The following COX18 variants were observed in gnomAD, a reference collection of about 807,000 sequenced individuals.
The protein encoded by COX18 is cytochrome c oxidase assembly factor COX18.
COX18 carries 45 observed loss-of-function variants against 38.0 expected under a neutral mutation model. The observed-to-expected ratio is 1.18, with a 90% CI of 0.93 to 1.52. COX18 has a LOEUF of 1.52. Among genes scored for constraint, COX18 ranks in the 40% most tolerant of loss-of-function variants. The pLI is 0.00. For synonymous variants in COX18, 177 were observed against 169.8 expected (o/e 1.04, Z -0.33); for missense variants, 462 against 423.8 (o/e 1.09, Z -0.79).
intron 4 of COX18, among the ~76,000 whole-genome samples, chr4:73,064,115 T>C (rs1215138942): frequency 6.6e-6 from 1 of 151,994 alleles, no homozygotes; most frequent in Non-Finnish European, 1.5e-5. Context: ...TGAAACCCTG[T>C]CTCTACTAAA....
At chr4:73,067,864 A>AAAAAATAAATATAT in intron 2 of COX18, among the ~76,000 whole-genome samples, 165 bp downstream of exon 2, 2 of 20,010 alleles carry the variant, frequency 1.0e-4, no homozygotes, top group Non-Finnish European at 3.1e-4. Context: ...AAAAAAAAAA[A>AAAAAATAAATATAT]ATATATATAT....
intron 2 of COX18, among the ~76,000 whole-genome samples, chr4:73,067,568 A>T (rs2110060922): frequency 6.6e-6 from 1 of 152,084 alleles, no homozygotes; most frequent in East Asian, 1.9e-4. Flanking sequence ...TAGGCTGGGC[A>T]CGGTGGCTCA....
At chr4:73,058,440 A>T (rs906641963) in intron 5 of COX18, among the ~76,000 whole-genome samples, 153 bp from the exon 6 acceptor site, 1 of 152,202 alleles carries the variant, frequency 6.6e-6, no homozygotes, top group African/African-American at 2.4e-5. Context: ...GATAGATTTA[A>T]TAGACAGGGA....
intron 3 of COX18, 128 bp from the exon 4 acceptor site, chr4:73,065,030 A>T: frequency 9.7e-7 from 1 of 1,033,840 alleles, no homozygotes; most frequent in Non-Finnish European, 1.4e-6. Flanking sequence ...CACTGGATTT[A>T]TTCCAGTTTT....
chr4:73,055,533 G>C lies in COX18; in HGVS notation c.*2581C>G, dbSNP rs906411587. 1.3e-5 allele frequency: 2 copies of C among 152,162 alleles called. No individual in the cohort carries two copies. The highest frequency in any genetic ancestry group is 2.4e-5 in the African/African-American group (1 of 41,446). 9.4% of individuals were successfully genotyped at this position (152,162 alleles called of 1,614,324 possible). ...TTCTCCTAAGCCTTCCTGAGCTTAGGAACATCAGAAAGCACTCCAGCAGGG... is the reference window on the plus strand; with the variant it reads ...TTCTCCTAAGCCTTCCTGAGCTTAGCAACATCAGAAAGCACTCCAGCAGGG... On this transcript the variant is annotated 3_prime_UTR_variant, in exon 6 of 6. Transcript: ENST00000507544.
chr4:73,068,196 T>C, intron 1 of COX18, 67 bp from the exon 2 acceptor site: 6 of 939,612 alleles, frequency 6.4e-6, no homozygotes, highest in Non-Finnish European at 9.7e-6. Flanking sequence ...TCATAATCTT[T>C]CACATTATTC....
Position 73,055,036 on chromosome 4 carries a change from G to A in COX18, c.*3078C>T, listed in dbSNP as rs1719835998. 6.6e-6 allele frequency: 1 copy of A among 152,240 alleles called. No individual in the cohort carries two copies. The highest frequency in any genetic ancestry group is 2.1e-4 in the South Asian group (1 of 4,834). The allele number at this position is 152,240 out of a possible 1,614,324, so 9.4% of individuals were successfully genotyped here. ...AAAGTGACAAACACAATGGGAAAAG[G>A]AGACTGATTTCCCTCATGCCATTAT... On this transcript the variant is annotated 3_prime_UTR_variant, in exon 6 of 6. Transcript: ENST00000507544.
chr4:73,060,297 T>C (rs1466484836), intron 5 of COX18, among the ~76,000 whole-genome samples: 1 of 152,216 alleles, frequency 6.6e-6, no homozygotes, highest in African/African-American at 2.4e-5. Flanking sequence ...ACTTAACTGC[T>C]CGTATTTTAT....
In COX18 at chr4:73,053,850, G is replaced by A. The variant is rs1392603823; in HGVS notation, c.*4264C>T. The A allele has an allele frequency of 6.6e-6, 1 of 152,122 alleles. No individual in the cohort carries two copies. Among genetic ancestry groups the A allele is most frequent in the Non-Finnish European group, 1.5e-5 (1 of 68,042 alleles). The allele number at this position is 152,122 out of a possible 1,614,324, so 9.4% of individuals were successfully genotyped here. A position where few individuals can be genotyped will look rare whatever the true frequency, so the allele number is the denominator to read the frequency against. On this transcript the variant is annotated 3_prime_UTR_variant, in exon 6 of 6. Transcript: ENST00000507544. ...GATTTGTTCAGTTTTCTCTTCTAAC[G>A]GTCCCAGGGAAAAGTAATTTGGGAT...
At chr4:73,063,584 A>C (rs549801583) in intron 4 of COX18, among the ~76,000 whole-genome samples, 2 of 152,332 alleles carry the variant, frequency 1.3e-5, no homozygotes, top group Non-Finnish European at 2.9e-5. Context: ...TCTTTAGATG[A>C]CATAGAGGAA....
At position 73,052,677 on chromosome 4, in the gene COX18, C is replaced by A. The variant is rs575514515; in HGVS notation, c.*5437G>T. The A allele has an allele frequency of 9.9e-5, 15 of 152,186 alleles. 1 individual carries two copies. Among genetic ancestry groups the A allele is most frequent in the African/African-American group, 3.1e-4 (13 of 41,536 alleles). The allele number at this position is 152,186 out of a possible 1,614,324, so 9.4% of individuals were successfully genotyped here. ...TATCTGGGTTCTGCTTGAACCAGCT[C>A]GTAAGGCACAGTGTTTATAATGATA... On this transcript the variant is annotated 3_prime_UTR_variant, in exon 6 of 6. Coordinates refer to ENST00000507544, the MANE Select transcript of COX18 (RefSeq NM_001297732.2).
chr4:73,062,006 ACTGGCC>A, intron 4 of COX18, 86 bp from the exon 5 acceptor site: 1 of 616,768 alleles, frequency 1.6e-6, no homozygotes, highest in South Asian at 2.0e-5. Context: ...CTGATTTTTC[ACTGGCC>A]TCCATCTACA....
At chr4:73,065,964 T>G (rs535840156) in intron 2 of COX18, among the ~76,000 whole-genome samples, 1 of 152,324 alleles carries the variant, frequency 6.6e-6, no homozygotes, top group African/African-American at 2.4e-5. Context: ...ATTTTACTTT[T>G]TAGAATACAG....
At chr4:73,067,870 T>A (rs374573126) in intron 2 of COX18, among the ~76,000 whole-genome samples, 159 bp downstream of exon 2, 29 of 46,326 alleles carry the variant, frequency 6.3e-4, no homozygotes, top group African/African-American at 1.2e-3. Context: ...AAAAAATATA[T>A]ATATATATAT....
At chr4:73,065,480 C>A (rs1720405112) in intron 2 of COX18, 67 bp from the exon 3 acceptor site, 3 of 1,386,718 alleles carry the variant, frequency 2.2e-6, no homozygotes, top group Admixed American at 1.9e-5. Context: ...GCTTTATTTC[C>A]ATAGCACAAA....
Position 73,054,267 on chromosome 4 carries a change from T to C in COX18, c.*3847A>G, listed in dbSNP as rs569014823. On this transcript the variant is annotated 3_prime_UTR_variant, in exon 6 of 6. Coordinates refer to ENST00000507544, the MANE Select transcript of COX18 (RefSeq NM_001297732.2). ...TCCCTGTTCTGTAGCCCTGACTTCA[T>C]TCAGGTTCTGGAACTGCTCCAGGCT... 1 of 152,340 alleles carries C rather than the reference T, an allele frequency of 6.6e-6. No homozygotes were observed. Among genetic ancestry groups the C allele is most frequent in the South Asian group, 2.1e-4 (1 of 4,824 alleles). The allele number at this position is 152,340 out of a possible 1,614,324, so 9.4% of individuals were successfully genotyped here.
At chr4:73,058,929 T>C (rs1302337359) in intron 5 of COX18, among the ~76,000 whole-genome samples, 2 of 152,158 alleles carry the variant, frequency 1.3e-5, no homozygotes, top group African/African-American at 4.8e-5. Flanking sequence ...TCATGAGGAA[T>C]GAGATCCTCA....
At chr4:73,067,049 TG>T (rs1240945552) in intron 2 of COX18, among the ~76,000 whole-genome samples, 1 of 152,198 alleles carries the variant, frequency 6.6e-6, no homozygotes, top group Non-Finnish European at 1.5e-5. Flanking sequence ...CAAGAGGGCT[TG>T]TAAGTTCCCA....
At chr4:73,068,167 G>T in intron 1 of COX18, 38 bp from the exon 2 acceptor site, 1 of 1,299,382 alleles carries the variant, frequency 7.7e-7, no homozygotes, top group Non-Finnish European at 1.1e-6. Context: ...GCACATAAAG[G>T]ATCTTTATTC....
Sources: allele counts gnomAD v4.1 joint callset (sites outside exome capture counted in the v4.1 genomes callset), GRCh38; gene constraint gnomAD v4.1.1; transcripts MANE v1.5; gene names NCBI Gene and HGNC (gene_info 2026-07-23, HGNC 2026-07-21).